The following TBC1D8 variants were observed in gnomAD, a reference collection of about 807,000 sequenced individuals.
TBC1D8 encodes TBC1 domain family member 8.
In TBC1D8, 65 loss-of-function variants were observed where a neutral mutation model predicts 118.8. The ratio of observed to expected loss-of-function variants is 0.55; its 90% confidence interval spans 0.45 to 0.67. The LOEUF is 0.67. TBC1D8 is among the 30% of genes least tolerant of loss of function. TBC1D8 has a pLI of 0.00. For missense variants in TBC1D8, 1,376 were observed against 1,471.2 expected (o/e 0.94, Z 1.06); for synonymous variants, 566 against 595.8 (o/e 0.95, Z 0.73).
intron 17 of TBC1D8, among the ~76,000 whole-genome samples, chr2:101,013,975 A>G (rs528887100): frequency 6.6e-6 from 1 of 152,354 alleles, no homozygotes; most frequent in East Asian, 1.9e-4. Flanking sequence ...AGAAATTCCA[A>G]TACAGCCAAG....
At chr2:101,010,670 G>A (rs994172661) in intron 19 of TBC1D8, among the ~76,000 whole-genome samples, 2 of 151,896 alleles carry the variant, frequency 1.3e-5, no homozygotes, top group Non-Finnish European at 2.9e-5. Flanking sequence ...AGATCACAAG[G>A]TGAGAAGTTC....
intron 1 of TBC1D8, among the ~76,000 whole-genome samples, chr2:101,122,383 C>CAAAAAAAAAAAAAAAAAAAAAAAAAAA (rs70943064): frequency 5.6e-5 from 4 of 71,930 alleles, no homozygotes; most frequent in Admixed American, 1.9e-4. Flanking sequence ...GACTCCATTT[C>CAAAAAAAAAAAAAAAAAAAAAAAAAAA]AAAAAAAAAA....
intron 2 of TBC1D8, among the ~76,000 whole-genome samples, chr2:101,076,988 A>G (rs1427218384): frequency 1.3e-5 from 2 of 152,172 alleles, no homozygotes; most frequent in South Asian, 4.1e-4. Context: ...TGGGAGCAGG[A>G]GCAAGAGAGA....
chr2:101,050,354 T>A, intron 5 of TBC1D8, 47 bp downstream of exon 5: 2 of 1,587,346 alleles, frequency 1.3e-6, no homozygotes, highest in South Asian at 2.3e-5. Context: ...GCACAGCTTA[T>A]GGGTCCCCCG....
At chr2:101,133,976 A>G (rs1387327552) in intron 1 of TBC1D8, among the ~76,000 whole-genome samples, 2 of 152,120 alleles carry the variant, frequency 1.3e-5, no homozygotes, top group African/African-American at 4.8e-5. Context: ...GAACTCACTC[A>G]CTATCATGAG....
At chr2:101,019,998 G>A (rs554250524) in intron 17 of TBC1D8, among the ~76,000 whole-genome samples, 1 of 151,714 alleles carries the variant, frequency 6.6e-6, no homozygotes, top group East Asian at 1.9e-4. Context: ...TGTGGAACCC[G>A]GGAGGCGGAG....
chr2:101,089,127 A>G lies in TBC1D8; in HGVS notation c.283+1082T>C, dbSNP rs550719350. 3.9e-5 allele frequency among the ~76,000 whole-genome samples: 6 copies of G among 152,314 alleles called. No individual in the cohort carries two copies. In the South Asian group the frequency reaches 1.2e-3, roughly 32 times the overall value. On this transcript the variant is annotated intron_variant, in intron 2 of 19. Transcript: ENST00000409318. The stretch of plus-strand genomic sequence containing the variant: ...AACTCTGGAAGGCCAAGGCAGGCTG[A>G]TCACTGAAGGCCAGGAGTTCAAGAC...
At chr2:101,033,856 C>T (rs1156929287) in intron 9 of TBC1D8, 98 bp from the exon 10 acceptor site, 4 of 1,357,702 alleles carry the variant, frequency 2.9e-6, no homozygotes, top group East Asian at 2.5e-5. Context: ...AGTGGGGTCT[C>T]GTTACTTACT....
intron 5 of TBC1D8, among the ~76,000 whole-genome samples, chr2:101,043,811 G>T (rs1681533799): frequency 6.6e-6 from 1 of 152,092 alleles, no homozygotes; most frequent in African/African-American, 2.4e-5. Flanking sequence ...ATGGTGACGG[G>T]TGCCTGTAAA....
chr2:101,095,400 C>T (rs796771496), intron 1 of TBC1D8, among the ~76,000 whole-genome samples: 54 of 135,072 alleles, frequency 4.0e-4, no homozygotes, highest in Middle Eastern at 3.6e-3. Context: ...ATCTCCCCCC[C>T]CCTCCCCCCA....
chr2:101,084,072 G>C lies in TBC1D8; in HGVS notation c.283+6137C>G, dbSNP rs190886008. On this transcript the variant is annotated intron_variant, in intron 2 of 19. Coordinates refer to ENST00000409318, the MANE Select transcript of TBC1D8 (RefSeq NM_001330348.2). ...AGTGATGCATCTACAGACCTGGCCC[G>C]GGTCAGGCCTGAGGCAGAAATTGCG... Among the ~76,000 whole-genome samples the C allele has an allele frequency of 2.0e-5, 3 of 152,302 alleles. No individual in the cohort carries two copies. The East Asian group carries it at 5.8e-4, about 29-fold the overall frequency.
At position 101,020,639 on chromosome 2, in the gene TBC1D8, G is replaced by T. The variant is rs1468309577; in HGVS notation, c.2827+1042C>A. Among the ~76,000 whole-genome samples the T allele has an allele frequency of 3.3e-5, 5 of 152,226 alleles. No homozygotes were observed. In the East Asian group the frequency reaches 9.6e-4, roughly 29 times the overall value. ...GGAGAGCGTGCCTAAGGTATAAGAT[G>T]CCAGTTCAGCAATGGCTGCATCTGG... On this transcript the variant is annotated intron_variant, in intron 17 of 19. Coordinates refer to ENST00000409318, the MANE Select transcript of TBC1D8 (RefSeq NM_001330348.2).
chr2:101,121,042 A>G (rs1252662815), intron 1 of TBC1D8, among the ~76,000 whole-genome samples: 1 of 152,248 alleles, frequency 6.6e-6, no homozygotes, highest in East Asian at 1.9e-4. Flanking sequence ...ACTCACAAGT[A>G]GCATGATAAC....
intron 2 of TBC1D8, among the ~76,000 whole-genome samples, chr2:101,064,066 G>C (rs1011199195): frequency 6.6e-6 from 1 of 152,194 alleles, no homozygotes; most frequent in African/African-American, 2.4e-5. Flanking sequence ...AGCCAAGACA[G>C]AGGAGAGCTG....
intron 1 of TBC1D8, among the ~76,000 whole-genome samples, chr2:101,095,140 A>T (rs867669486): frequency 4.6e-5 from 7 of 152,178 alleles, no homozygotes; most frequent in African/African-American, 1.7e-4. Context: ...GTGAAGAGCC[A>T]GGGAAGATCC....
intron 1 of TBC1D8, among the ~76,000 whole-genome samples, chr2:101,107,090 A>G (rs1677270303): frequency 2.0e-5 from 3 of 152,228 alleles, no homozygotes; most frequent in African/African-American, 7.2e-5. Context: ...TAAATGAACC[A>G]TTAAGAAAAA....
In TBC1D8 at chr2:101,017,982, G is replaced by A. The variant is rs959596081; in HGVS notation, c.2827+3699C>T. Reference sequence around the variant, plus strand: ...AAAAGTCATTATAGAGGATTCGAACGGTTCCAATGCTCGCAATTCTACTTC... The same window carrying A: ...AAAAGTCATTATAGAGGATTCGAACAGTTCCAATGCTCGCAATTCTACTTC... On this transcript the variant is annotated intron_variant, in intron 17 of 19. Transcript: ENST00000409318. 41 of 1,511,806 alleles carry A rather than the reference G, an allele frequency of 2.7e-5. No individual in the cohort carries two copies. In the East Asian group the frequency reaches 6.6e-4, roughly 24 times the overall value. 93.6% of individuals were successfully genotyped at this position (1,511,806 alleles called of 1,614,324 possible). A position where few individuals can be genotyped will look rare whatever the true frequency, so the allele number is the denominator to read the frequency against.
chr2:101,039,168 G>A (rs1681224612), intron 6 of TBC1D8, among the ~76,000 whole-genome samples: 1 of 152,172 alleles, frequency 6.6e-6, no homozygotes, highest in Non-Finnish European at 1.5e-5. Flanking sequence ...CAATGTGAAT[G>A]TACTTAATGC....
intron 16 of TBC1D8, 72 bp from the exon 17 acceptor site, chr2:101,021,818 T>C: frequency 5.1e-6 from 5 of 988,270 alleles, no homozygotes; most frequent in Admixed American, 2.0e-5. Context: ...AAACTCACTG[T>C]GGAGAGAACA....
Sources: allele counts gnomAD v4.1 joint callset (sites outside exome capture counted in the v4.1 genomes callset), GRCh38; gene constraint gnomAD v4.1.1; transcripts MANE v1.5; gene names NCBI Gene and HGNC (gene_info 2026-07-23, HGNC 2026-07-21).